SLIT1: variants seen among roughly 807,000 people sequenced by gnomAD.
The protein encoded by SLIT1 is slit homolog 1 protein.
In SLIT1, 66 loss-of-function variants were observed where a neutral mutation model predicts 186.1. The observed-to-expected ratio is 0.35, with a 90% CI of 0.29 to 0.44. The LOEUF (loss-of-function observed/expected upper bound fraction) is 0.44, where lower values mean the gene tolerates loss of function less well. SLIT1 is among the 20% of genes least tolerant of loss of function. The probability of loss-of-function intolerance (pLI) is 1.00; values close to 1 mark genes in which losing one functional copy is unlikely to be tolerated. For synonymous variants in SLIT1, 761 were observed against 833.8 expected (o/e 0.91, Z 1.50); for missense variants, 1,638 against 2,037.4 (o/e 0.80, Z 3.77).
At chr10:97,105,354 G>C (rs974712003) in intron 4 of SLIT1, among the ~76,000 whole-genome samples, 9 of 152,188 alleles carry the variant, frequency 5.9e-5, no homozygotes, top group South Asian at 2.1e-4. Flanking sequence ...GGGCTGCCTG[G>C]CCACACTCAA....
intron 11 of SLIT1, 137 bp downstream of exon 11, chr10:97,059,323 A>G (rs991887726): frequency 3.3e-5 from 23 of 699,552 alleles, no homozygotes; most frequent in Non-Finnish European, 4.8e-5. Flanking sequence ...TGACCCACTG[A>G]GGCTGGGGTG....
Position 97,166,694 on chromosome 10 carries a change from G to A in SLIT1, c.198-1804C>T, listed in dbSNP as rs138774100. On this transcript the variant is annotated intron_variant, in intron 1 of 36. Transcript: ENST00000266058. ...AAAGAAAAAAGAAAAAAGAAAGAGC[G>A]AGCTTGATCTGGGTTGCTGGGATGT... Among the ~76,000 whole-genome samples, 233 of 152,162 alleles carry A rather than the reference G, an allele frequency of 1.5e-3. 2 individuals are homozygous for A. The highest frequency in any genetic ancestry group is 0.012 in the Admixed American group (177 of 15,302).
intron 1 of SLIT1, among the ~76,000 whole-genome samples, chr10:97,182,249 G>A (rs1214711358): frequency 1.3e-5 from 2 of 152,132 alleles, no homozygotes; most frequent in African/African-American, 2.4e-5. Context: ...TCCATTTCGG[G>A]GGACAGGCCT....
chr10:97,023,254 G>A (rs1271787153), intron 25 of SLIT1, among the ~76,000 whole-genome samples: 1 of 147,228 alleles, frequency 6.8e-6, no homozygotes, highest in East Asian at 2.0e-4. Flanking sequence ...TAGTAGAGAT[G>A]GAGGTGTCGC....
intron 22 of SLIT1, among the ~76,000 whole-genome samples, chr10:97,037,440 G>A (rs901776689): frequency 5.3e-5 from 8 of 152,076 alleles, no homozygotes; most frequent in Admixed American, 4.6e-4. Context: ...CCAGCCTCAC[G>A]GGGGAGCTTT....
intron 1 of SLIT1, among the ~76,000 whole-genome samples, chr10:97,173,108 G>A (rs1412132619): frequency 1.3e-5 from 2 of 152,160 alleles, no homozygotes; most frequent in African/African-American, 4.8e-5. Flanking sequence ...CCCAATATGA[G>A]CAAGGAAATA....
At chr10:97,145,681 G>A (rs1269601256) in intron 4 of SLIT1, among the ~76,000 whole-genome samples, 1 of 152,084 alleles carries the variant, frequency 6.6e-6, no homozygotes, top group African/African-American at 2.4e-5. Context: ...TTAAGACTTG[G>A]GTATGGGGTT....
intron 4 of SLIT1, among the ~76,000 whole-genome samples, chr10:97,122,028 G>A (rs376200530): frequency 3.9e-4 from 60 of 152,288 alleles, no homozygotes; most frequent in African/African-American, 1.3e-3. Context: ...GCCACTGCCC[G>A]CAGTCATCCA....
intron 1 of SLIT1, among the ~76,000 whole-genome samples, chr10:97,179,706 C>T (rs1406438835): frequency 6.6e-6 from 1 of 152,192 alleles, no homozygotes; most frequent in Non-Finnish European, 1.5e-5. Flanking sequence ...CCTGCAGGTG[C>T]CCAACAGCTG....
At chr10:97,040,445 C>T (rs1016734505) in intron 20 of SLIT1, among the ~76,000 whole-genome samples, 7 of 152,152 alleles carry the variant, frequency 4.6e-5, no homozygotes, top group African/African-American at 7.2e-5. Flanking sequence ...GGCACTGGAT[C>T]GACATTGTCT....
rs36000443 is a variant in SLIT1 at position 97,184,018 on chromosome 10, C to CCACACACACACACACA, written c.197+1444_197+1459dup. On this transcript the variant is annotated intron_variant, in intron 1 of 36. Coordinates refer to ENST00000266058, the MANE Select transcript of SLIT1 (RefSeq NM_003061.3). This position sits in a 1 kb window ranked among gnomAD's most constrained non-coding sequence, Gnocchi z 4.4. ...ATTCACACACACACATACACATGCA[C>CCACACACACACACACA]CACACACACACACACACACACACAC... Among the ~76,000 whole-genome samples, 1 of 142,476 alleles carries CCACACACACACACACA rather than the reference C, an allele frequency of 7.0e-6. No individual in the cohort carries two copies. The highest frequency in any genetic ancestry group is 2.6e-5 in the African/African-American group (1 of 37,970). The allele number at this position is 142,476 out of a possible 152,430, so 93.5% of individuals were successfully genotyped here.
chr10:97,076,556 T>C (rs1849047749), intron 4 of SLIT1, among the ~76,000 whole-genome samples: 1 of 151,350 alleles, frequency 6.6e-6, no homozygotes, highest in Middle Eastern at 3.3e-3. Context: ...GAAACAACAC[T>C]CAAGTGCCCC....
Position 97,021,481 on chromosome 10 carries a change from A to G in SLIT1, c.2583-68T>C. 3 of 1,482,260 alleles carry G rather than the reference A, an allele frequency of 2.0e-6. No individual in the cohort carries two copies. The highest frequency in any genetic ancestry group is 2.5e-5 in the South Asian group (2 of 78,460). 91.8% of individuals were successfully genotyped at this position (1,482,260 alleles called of 1,614,324 possible). A position where few individuals can be genotyped will look rare whatever the true frequency, so the allele number is the denominator to read the frequency against. The stretch of plus-strand genomic sequence containing the variant: ...GGTCCCTCGCCCACTGGGAACCTAG[A>G]GTCCCAGGCACTGCACCAGGGGCTG... On this transcript the variant is annotated intron_variant, in intron 25 of 36. Transcript: ENST00000266058. The surrounding 1 kb of genome is among the most constrained non-coding windows in gnomAD (Gnocchi z 4.5).
chr10:97,060,787 C>A lies in SLIT1; in HGVS notation c.794G>T (p.Gly265Val). The change falls in exon 9 of 37, where the codon GGC becomes GTC. Residue 265 changes from glycine (G) to valine (V), a missense_variant and splice_region_variant. Transcript: ENST00000266058. ...EVQKSEFSCS[G>V]QGEAGRVPTC... ...GGGCACGCGCCCCGCTTCTCCCTGG[C>A]CTGCAGAAACAGGGGGGTGTGGCCT... 6.3e-7 allele frequency: 1 copy of A among 1,591,838 alleles called. No individual in the cohort carries two copies. Among genetic ancestry groups the A allele is most frequent in the Middle Eastern group, 1.7e-4 (1 of 5,990 alleles).
chr10:97,000,993 A>T lies in SLIT1; in HGVS notation c.*119T>A. On this transcript the variant is annotated 3_prime_UTR_variant, in exon 37 of 37. Transcript: ENST00000266058. ...GGCACCACCCCACCCAGGAGGGCCC[A>T]GCTGCCCAGGAGCCGTCCTGTGATG... 1 of 766,278 alleles carries T rather than the reference A, an allele frequency of 1.3e-6. No homozygotes were observed. The highest frequency in any genetic ancestry group is 2.1e-6 in the Non-Finnish European group (1 of 475,352). The allele number at this position is 766,278 out of a possible 1,614,324, so 47.5% of individuals were successfully genotyped here.
At chr10:97,011,297 A>C (rs530952176) in intron 30 of SLIT1, among the ~76,000 whole-genome samples, 167 bp from the exon 31 acceptor site, 1 of 152,080 alleles carries the variant, frequency 6.6e-6, no homozygotes, top group South Asian at 2.1e-4. Context: ...TCTGGATCTA[A>C]AAGGGCCCCT....
rs749702166 is a variant in SLIT1, at chr10:97,001,150, C to T, written c.4567G>A (p.Glu1523Lys). 1.9e-6 allele frequency: 3 copies of T among 1,613,178 alleles called. No individual in the cohort carries two copies. The South Asian group carries it at 3.3e-5, about 18-fold the overall frequency. ...GCACAGCCACACTTGGTGGGCTTTT[C>T]CACCTCCTCGGCAAAAGAGGTCCCA... Reference protein sequence around the residue: ...SDGTSFAEEVEKPTKCGCALC... With the variant: ...SDGTSFAEEVKKPTKCGCALC... The change falls in exon 37 of 37, where the codon GAA becomes AAA. Residue 1523 changes from glutamate (E) to lysine (K), a missense_variant. Physicochemically the swap from Glu to Lys is moderately conservative, Grantham distance 56. Around this residue, in one of 3 missense-constraint regions of SLIT1, gnomAD observed 220 missense variants for 211.3 expected, o/e 1.04. Coordinates refer to ENST00000266058, the MANE Select transcript of SLIT1 (RefSeq NM_003061.3).
intron 20 of SLIT1, among the ~76,000 whole-genome samples, chr10:97,041,241 G>A (rs535569598): frequency 3.5e-4 from 53 of 152,162 alleles, no homozygotes; most frequent in Non-Finnish European, 3.8e-4. Flanking sequence ...GCGGGACTTG[G>A]GAGGTTGTCT....
At chr10:97,162,633 G>A (rs1052932951) in intron 3 of SLIT1, among the ~76,000 whole-genome samples, 6 of 152,134 alleles carry the variant, frequency 3.9e-5, no homozygotes, top group African/African-American at 1.4e-4. Context: ...AAATAATAAA[G>A]TGCAATTAAT....
Sources: allele counts gnomAD v4.1 joint callset (sites outside exome capture counted in the v4.1 genomes callset), GRCh38; gene constraint gnomAD v4.1.1; regional missense constraint gnomAD v4.1.1; non-coding constraint Gnocchi (gnomAD v3.1); transcripts MANE v1.5; gene names NCBI Gene and HGNC (gene_info 2026-07-23, HGNC 2026-07-21).